Variants in KLF8 observed in about 807,000 individuals in gnomAD.
The protein encoded by KLF8 is KLF transcription factor 8.
Under a neutral mutation model 18.2 loss-of-function variants are expected in KLF8, and 10 were observed. The ratio of observed to expected loss-of-function variants is 0.55; its 90% confidence interval spans 0.34 to 0.93. The LOEUF (loss-of-function observed/expected upper bound fraction) is 0.93. Among genes scored for constraint, KLF8 ranks in the 40% least tolerant of loss-of-function variants. The pLI is 0.02. For missense variants in KLF8, 264 were observed against 277.9 expected, an observed-to-expected ratio of 0.95 and a Z score of 0.36; for synonymous variants, 109 against 97.3, an observed-to-expected ratio of 1.12 and a Z score of -0.71.
the KLF8 span, among the ~76,000 whole-genome samples, chrX:56,052,562 G>A: frequency 0.1 from 11,644 of 111,221 alleles, 1,234 homozygotes; most frequent in African/African-American, 0.33. Flanking sequence ...TGGGGGGTGC[G>A]TCCCAGTTAG....
the KLF8 span, among the ~76,000 whole-genome samples, chrX:55,997,967 C>T: frequency 1.8e-4 from 20 of 109,392 alleles, no homozygotes; most frequent in South Asian, 6.8e-3. Flanking sequence ...GGTGTTTCTC[C>T]GAGAGGGGGA....
the KLF8 span, among the ~76,000 whole-genome samples, chrX:55,980,920 C>T: frequency 1.8e-5 from 2 of 112,485 alleles, no homozygotes; most frequent in African/African-American, 6.5e-5. Flanking sequence ...AGGCCGGGCC[C>T]GGTGGCCCAC....
At chrX:56,173,232 G>A in the KLF8 span, among the ~76,000 whole-genome samples, 2 of 111,622 alleles carry the variant, frequency 1.8e-5, no homozygotes, top group Non-Finnish European at 3.8e-5. Flanking sequence ...TATGGTTTTG[G>A]GTCTAACATT....
At chrX:56,026,629 C>T in the KLF8 span, among the ~76,000 whole-genome samples, 2 of 111,976 alleles carry the variant, frequency 1.8e-5, no homozygotes, top group South Asian at 7.5e-4. Flanking sequence ...CGGTAGGCAG[C>T]ATGTAACTTT....
the KLF8 span, among the ~76,000 whole-genome samples, chrX:55,928,361 CT>C: frequency 1.8e-5 from 2 of 109,867 alleles, no homozygotes; most frequent in South Asian, 3.9e-4. Context: ...TTTCCCTTTT[CT>C]TTTTTTTTCT....
the KLF8 span, among the ~76,000 whole-genome samples, chrX:56,008,234 G>A: frequency 5.5e-5 from 6 of 108,483 alleles, no homozygotes; most frequent in African/African-American, 2.0e-4. Flanking sequence ...GGGGGGAGGT[G>A]GCCAAGATGG....
the KLF8 span, among the ~76,000 whole-genome samples, chrX:56,088,303 T>C: frequency 1.8e-5 from 2 of 111,786 alleles, no homozygotes; most frequent in African/African-American, 6.5e-5. Flanking sequence ...TGGAGTTCTT[T>C]TCTTTTTATC....
chrX:56,270,349 C>CACACACAT, intron 5 of KLF8, 28 bp downstream of exon 5: 1 of 701,633 alleles, frequency 1.4e-6, no homozygotes, highest in Non-Finnish European at 1.8e-6. Context: ...TCACCCCCAA[C>CACACACAT]ACACACACAC....
chrX:56,078,118 T>A, the KLF8 span, among the ~76,000 whole-genome samples: 1 of 111,970 alleles, frequency 8.9e-6, no homozygotes, highest in South Asian at 3.7e-4. Context: ...CTTTTCCTAA[T>A]GGAATTCCCT....
intron 1 of KLF8, 99 bp downstream of exon 1, chrX:56,233,440 G>A: frequency 1.5e-6 from 1 of 676,929 alleles, no homozygotes; most frequent in Admixed American, 2.3e-5. Context: ...ACCCCACTTG[G>A]GGTTTCAGCA....
chrX:56,138,945 C>T, the KLF8 span, among the ~76,000 whole-genome samples: 3 of 111,092 alleles, frequency 2.7e-5, no homozygotes, highest in Non-Finnish European at 3.8e-5. Flanking sequence ...AAAGCCCCTA[C>T]GTCTTATAAA....
chrX:56,185,624 G>T, the KLF8 span, among the ~76,000 whole-genome samples: 2 of 111,941 alleles, frequency 1.8e-5, no homozygotes, highest in Non-Finnish European at 3.8e-5. Context: ...CAGCCAGAGA[G>T]AAAGGTCGAG....
chrX:56,211,968 G>A, the KLF8 span, among the ~76,000 whole-genome samples: 6 of 111,343 alleles, frequency 5.4e-5, no homozygotes, highest in Admixed American at 3.8e-4. Context: ...AAGGCCTTCA[G>A]TGTAGTACCT....
At chrX:56,129,695 T>G in the KLF8 span, among the ~76,000 whole-genome samples, 2 of 110,875 alleles carry the variant, frequency 1.8e-5, no homozygotes, top group Admixed American at 9.5e-5. Flanking sequence ...AGGGCATAAA[T>G]CCAGTGCGCA....
chrX:56,258,435 G>A (rs1343288351), intron 2 of KLF8, among the ~76,000 whole-genome samples: 2 of 110,849 alleles, frequency 1.8e-5, no homozygotes, highest in Non-Finnish European at 3.8e-5. Flanking sequence ...ACCACACCTC[G>A]CTAATTTTGT....
chrX:56,186,741 T>A, the KLF8 span, among the ~76,000 whole-genome samples: 6 of 111,885 alleles, frequency 5.4e-5, no homozygotes, highest in Non-Finnish European at 1.1e-4. Context: ...ACCACTCAAC[T>A]ACATGGAAAC....
At position 56,289,667 on chromosome X, in the gene KLF8, G is replaced by A. The variant is rs1379105088; in HGVS notation, c.*5173G>A. ...TCCCACACTAATACTGAGAAACCTG[G>A]CTCTCAACCTCTGTCATCTATTTAC... is the stretch of plus-strand genomic sequence containing the variant. On this transcript the variant is annotated 3_prime_UTR_variant, in exon 6 of 6. Coordinates refer to ENST00000468660, the MANE Select transcript of KLF8 (RefSeq NM_007250.5). Among the ~76,000 whole-genome samples, 2 of 111,352 alleles carry A rather than the reference G, an allele frequency of 1.8e-5. No homozygotes were observed. Among genetic ancestry groups the A allele is most frequent in the African/African-American group, 3.3e-5 (1 of 30,631 alleles).
intron 2 of KLF8, among the ~76,000 whole-genome samples, chrX:56,253,135 C>A (rs2066736599): frequency 8.9e-6 from 1 of 112,091 alleles, no homozygotes; most frequent in African/African-American, 3.2e-5. Context: ...GGGTAGTTTA[C>A]AAATATTTTC....
chrX:56,264,338 CTA>C (rs1491538566), intron 2 of KLF8, among the ~76,000 whole-genome samples: 1 of 108,765 alleles, frequency 9.2e-6, no homozygotes, highest in Non-Finnish European at 1.9e-5. Context: ...GTTTTTTAAA[CTA>C]ATGTATTTAT....
Sources: allele counts gnomAD v4.1 joint callset (sites outside exome capture counted in the v4.1 genomes callset), GRCh38; gene constraint gnomAD v4.1.1; transcripts MANE v1.5; gene names NCBI Gene and HGNC (gene_info 2026-07-23, HGNC 2026-07-21).